Variants in FAT2 observed in about 807,000 individuals in gnomAD.
The protein encoded by FAT2 is protocadherin Fat 2.
Under a neutral mutation model 295.3 loss-of-function variants are expected in FAT2, and 150 were observed. The observed-to-expected ratio is 0.51, with a 90% CI of 0.44 to 0.58. FAT2 has a LOEUF of 0.58. FAT2 is among the 20% of genes least tolerant of loss of function. The probability of loss-of-function intolerance (pLI) is 0.00; values close to 1 mark genes in which losing one functional copy is unlikely to be tolerated. For synonymous variants in FAT2, 2,026 were observed against 2,150.3 expected (o/e 0.94, Z 1.60); for missense variants, 4,868 against 5,442.7 (o/e 0.89, Z 3.32).
At chr5:151,578,020 CAAAAAAAA>C (rs546727587) in intron 1 of FAT2, among the ~76,000 whole-genome samples, 1 of 97,964 alleles carries the variant, frequency 1.0e-5, no homozygotes, top group African/African-American at 3.7e-5. Context: ...AAGGGAAAGG[CAAAAAAAA>C]AAAAAAAGAT....
At chr5:151,564,303 G>C (rs1006516165) in intron 2 of FAT2, among the ~76,000 whole-genome samples, 1 of 152,272 alleles carries the variant, frequency 6.6e-6, no homozygotes, top group Non-Finnish European at 1.5e-5. Context: ...TAGCATAACA[G>C]AGACGACCGC....
chr5:151,582,369 C>T (rs1758993274), intron 1 of FAT2, among the ~76,000 whole-genome samples: 1 of 152,220 alleles, frequency 6.6e-6, no homozygotes, highest in Non-Finnish European at 1.5e-5. Flanking sequence ...TCTGTGTTCT[C>T]ATCCGCAAAG....
chr5:151,518,807 T>C (rs1354019412), intron 19 of FAT2, among the ~76,000 whole-genome samples: 4 of 152,204 alleles, frequency 2.6e-5, no homozygotes, highest in African/African-American at 9.7e-5. Flanking sequence ...AGCATTCTGT[T>C]GAACCCCCTT....
Position 151,507,596 on chromosome 5 carries a change from C to A in FAT2, c.12075G>T (p.Ala4025=), listed in dbSNP as rs761057720. 1 of 1,600,794 alleles carries A rather than the reference C, an allele frequency of 6.2e-7. No individual in the cohort carries two copies. Among genetic ancestry groups the A allele is most frequent in the Non-Finnish European group, 8.5e-7 (1 of 1,176,440 alleles). ...GGCAGTGTCCTTCTGAACAACCCCT[C>A]GCCTCCATTTCACACCTGCGGAGAC... ...PYTGDRCEME[A]RGCSEGHCLV... Residue 4025 remains alanine (A), a synonymous_variant, in exon 23 of 24, where the codon GCG becomes GCT. Transcript: ENST00000261800.
rs774676657 is a variant in FAT2, at chr5:151,567,352, C to T, written c.1580G>A (p.Arg527Lys). 6 of 1,614,210 alleles carry T rather than the reference C, an allele frequency of 3.7e-6. No individual in the cohort carries two copies. The highest frequency in any genetic ancestry group is 5.1e-6 in the Non-Finnish European group (6 of 1,180,028). ...TGCTCTTACCCGGAAGGTATAAATT[C>T]TTTTCATGAGTTCATAGTCCATGGG... is the stretch of plus-strand genomic sequence containing the variant. ...SKPMDYELMKRIYTFRVRASD... is the reference protein window; with the variant it reads ...SKPMDYELMKKIYTFRVRASD... Residue 527 changes from arginine to lysine, a missense_variant, in exon 2 of 24, where the codon AGA becomes AAA. By Grantham distance (26) the Arg-to-Lys change is conservative. Transcript: ENST00000261800.
chr5:151,544,694 C>T lies in FAT2; in HGVS notation c.6433G>A (p.Ala2145Thr), dbSNP rs2127610322. 1 of 1,614,128 alleles carries T rather than the reference C, an allele frequency of 6.2e-7. No individual in the cohort carries two copies. Among genetic ancestry groups the T allele is most frequent in the Non-Finnish European group, 8.5e-7 (1 of 1,180,016 alleles). Residue 2145 changes from alanine (A) to threonine (T), a missense_variant, in exon 10 of 24, where the codon GCT (alanine) becomes ACT (threonine). Ala to Thr is a moderately conservative substitution (Grantham distance 58). This residue lies in a region of FAT2 where 3,297 missense variants were observed against 3,669.4 expected (regional missense o/e 0.90). Coordinates refer to ENST00000261800, the MANE Select transcript of FAT2 (RefSeq NM_001447.3). ...ALNKYHLKVIARDGGTPSLQS... is the reference protein window; with the variant it reads ...ALNKYHLKVITRDGGTPSLQS... ...AGGGATGGCGTTCCTCCATCCCGAG[C>T]AATGACTTTGAGGTGATATTTATTT...
Position 151,591,297 on chromosome 5 carries a change from G to A in FAT2, c.-153C>T, listed in dbSNP as rs1300475430. On this transcript the variant is annotated 5_prime_UTR_variant, in exon 1 of 24. Coordinates refer to ENST00000261800, the MANE Select transcript of FAT2 (RefSeq NM_001447.3). ...GCAGGAAGGCGCGCAGCCCGCAGCC[G>A]GAGAGGCTGCTGAGAAAGTTGGAGT... Among the ~76,000 whole-genome samples the A allele has an allele frequency of 1.3e-5, 2 of 152,200 alleles. No individual in the cohort carries two copies. Among genetic ancestry groups the A allele is most frequent in the African/African-American group, 4.8e-5 (2 of 41,438 alleles).
At chr5:151,523,863 G>A (rs187606898) in intron 18 of FAT2, among the ~76,000 whole-genome samples, 8 of 152,212 alleles carry the variant, frequency 5.3e-5, no homozygotes, top group Admixed American at 2.6e-4. Flanking sequence ...CTGCCTTCCC[G>A]TCTGGGCCTT....
rs2127646964 is a variant in FAT2 at position 151,566,868 on chromosome 5, C to A, written c.2064G>T (p.Gly688=). ...QFTKTILHFI[G]LQNQESSDEE... ...CATCACTGGACTCCTGGTTCTGAAG[C>A]CCAATAAAGTGGAGGATAGTCTTTG... The change falls in exon 2 of 24, where the codon GGG becomes GGT. Residue 688 remains glycine, a synonymous_variant. Transcript: ENST00000261800. The A allele has an allele frequency of 6.2e-7, 1 of 1,614,138 alleles. No homozygotes were observed. The highest frequency in any genetic ancestry group is 8.5e-7 in the Non-Finnish European group (1 of 1,180,036).
At chr5:151,570,205 G>A (rs1392441877) in intron 1 of FAT2, among the ~76,000 whole-genome samples, 1 of 152,148 alleles carries the variant, frequency 6.6e-6, no homozygotes, top group Non-Finnish European at 1.5e-5. Context: ...TTGCCTCCTT[G>A]CCCCAGTCCT....
intron 10 of FAT2, 70 bp downstream of exon 10, chr5:151,542,215 T>G: frequency 6.8e-7 from 1 of 1,468,652 alleles, no homozygotes; most frequent in Non-Finnish European, 9.1e-7. Flanking sequence ...ATGAACCCAT[T>G]TTAGGGCACC....
intron 7 of FAT2, 130 bp downstream of exon 7, chr5:151,551,337 A>G (rs1314038146): frequency 6.1e-5 from 59 of 966,028 alleles, no homozygotes; most frequent in Non-Finnish European, 9.1e-5. Context: ...GTATTAGACA[A>G]GAACTTTGAT....
In FAT2 at chr5:151,567,144, G is replaced by A. The variant is rs1344251108; in HGVS notation, c.1788C>T (p.Asn596=). The A allele has an allele frequency of 3.1e-6, 5 of 1,614,028 alleles. No individual in the cohort carries two copies. The African/African-American group carries it at 4.0e-5, about 13-fold the overall frequency. Residue 596 remains asparagine, a synonymous_variant, in exon 2 of 24, where the codon AAC becomes AAT. Transcript: ENST00000261800. ...TGCCTGATACAATCTCGTATTTTAGGTTCTGAAGCTCATCCACATCTATGG... is the reference window on the plus strand; with the variant it reads ...TGCCTGATACAATCTCGTATTTTAGATTCTGAAGCTCATCCACATCTATGG... The part of the protein sequence containing the change: ...MSAIDVDELQ[N]LKYEIVSGNE...
At position 151,569,073 on chromosome 5, in the gene FAT2, T is replaced by C. The variant is rs549605525; in HGVS notation, c.-20-122A>G. 3.0e-5 allele frequency: 30 copies of C among 1,008,836 alleles called. No homozygotes were observed. In the African/African-American group the frequency reaches 3.9e-4, roughly 13 times the overall value. 62.5% of individuals were successfully genotyped at this position (1,008,836 alleles called of 1,614,324 possible). On this transcript the variant is annotated intron_variant, in intron 1 of 23. Transcript: ENST00000261800. The stretch of plus-strand genomic sequence containing the variant: ...CACTTGGCAATGTCTGAAGATACTT[T>C]TGGCTGACCCAGCTTGGGAGTGGTG...
chr5:151,510,044 G>A lies in FAT2; in HGVS notation c.12036C>T (p.Cys4012=), dbSNP rs752590731. 1.2e-6 allele frequency: 2 copies of A among 1,614,104 alleles called. No individual in the cohort carries two copies. Residue 4012 remains cysteine, a synonymous_variant, in exon 22 of 24, where the codon TGC becomes TGT. Coordinates refer to ENST00000261800, the MANE Select transcript of FAT2 (RefSeq NM_001447.3). ...ILSPKGASCN[C]PHPYTGDRCE... ...ACCTGTCTCCTGTGTAAGGATGAGG[G>A]CAGTTACAGGAAGCTCCTTTGGGGG...
At chr5:151,508,713 A>G (rs916926376) in intron 22 of FAT2, among the ~76,000 whole-genome samples, 1 of 151,894 alleles carries the variant, frequency 6.6e-6, no homozygotes, top group African/African-American at 2.4e-5. Context: ...CCTTCTCAAA[A>G]AAAAAAAAAA....
chr5:151,576,366 A>G (rs1320581858), intron 1 of FAT2, among the ~76,000 whole-genome samples: 2 of 152,240 alleles, frequency 1.3e-5, no homozygotes, highest in African/African-American at 4.8e-5. Flanking sequence ...ATTCGTGCAT[A>G]TTAGAATTAC....
rs964548602 is a variant in FAT2, at chr5:151,529,412, C to T, written c.9812-20G>A. 18 of 1,610,630 alleles carry T rather than the reference C, an allele frequency of 1.1e-5. No homozygotes were observed. Among genetic ancestry groups the T allele is most frequent in the African/African-American group, 2.7e-5 (2 of 74,812 alleles). On this transcript the variant is annotated intron_variant, in intron 14 of 23. Coordinates refer to ENST00000261800, the MANE Select transcript of FAT2 (RefSeq NM_001447.3). ...GGATCCCTGAAGAAGCAAGAGGTGA[C>T]AGCAGCAATGAGGCAGTTGGGCCCT... is the stretch of plus-strand genomic sequence containing the variant.
intron 7 of FAT2, 144 bp downstream of exon 7, chr5:151,551,323 G>A (rs566364841): frequency 3.7e-6 from 3 of 813,286 alleles, no homozygotes; most frequent in African/African-American, 3.4e-5. Flanking sequence ...CAGAAGTAGA[G>A]AGTGTATTAG....
Sources: allele counts gnomAD v4.1 joint callset (sites outside exome capture counted in the v4.1 genomes callset), GRCh38; gene constraint gnomAD v4.1.1; regional missense constraint gnomAD v4.1.1; transcripts MANE v1.5; gene names NCBI Gene and HGNC (gene_info 2026-07-23, HGNC 2026-07-21).